CTNND1: variants seen among roughly 807,000 people sequenced by gnomAD.
The protein encoded by CTNND1 is catenin delta-1.
CTNND1 carries 16 observed loss-of-function variants against 112.1 expected under a neutral mutation model. The ratio of observed to expected loss-of-function variants is 0.14; its 90% CI spans 0.10 to 0.22. The LOEUF (loss-of-function observed/expected upper bound fraction) is 0.22, where lower values mean the gene tolerates loss of function less well. Ranked by LOEUF, CTNND1 falls within the 10% of genes least tolerant of loss-of-function variation. CTNND1 has a pLI of 1.00. For synonymous variants in CTNND1, 420 were observed against 446.5 expected, an observed-to-expected ratio of 0.94 and a Z score of 0.75; for missense variants, 1,008 against 1,257.0, an observed-to-expected ratio of 0.80 and a Z score of 3.00.
chr11:57,807,627 A>AAAG (rs2062858390), intron 12 of CTNND1, among the ~76,000 whole-genome samples: 1 of 141,338 alleles, frequency 7.1e-6, no homozygotes, highest in Non-Finnish European at 1.6e-5. Context: ...AAAAAAAAAA[A>AAAG]AAAAGAAAAG....
Position 57,761,814 on chromosome 11 carries a change from CA to C in CTNND1, c.-518del. 6.1e-6 allele frequency: 6 copies of C among 985,202 alleles called. No individual in the cohort carries two copies. The highest frequency in any genetic ancestry group is 7.2e-6 in the Non-Finnish European group (6 of 829,912). The allele number at this position is 985,202 out of a possible 1,614,324, so 61.0% of individuals were successfully genotyped here. A position where few individuals can be genotyped will look rare whatever the true frequency, so the allele number is the denominator to read the frequency against. ...GGGTAGGGCTGCCAGATCAGTTTGT[CA>C]CCACCCAGGCTCCCTTGCCTTTGGC... On this transcript the variant is annotated 5_prime_UTR_variant, in exon 1 of 21. Coordinates refer to ENST00000399050, the MANE Select transcript of CTNND1 (RefSeq NM_001085458.2).
Position 57,815,477 on chromosome 11 carries a change from T to C in CTNND1, c.2785T>C (p.Leu929=). The change falls in exon 19 of 21, where the codon TTG becomes CTG. Residue 929 remains leucine, a synonymous_variant. Coordinates refer to ENST00000399050, the MANE Select transcript of CTNND1 (RefSeq NM_001085458.2). Reference sequence around the variant, plus strand: ...GGGGGATCTAGGCGACATGGAGCCATTGAAGGGAACAACACCCTTGATGGT... The same window carrying C: ...GGGGGATCTAGGCGACATGGAGCCACTGAAGGGAACAACACCCTTGATGGT... ...RSGDLGDMEP[L]KGTTPLMQDE... is the part of the protein sequence containing the mutation. The C allele has an allele frequency of 6.2e-7, 1 of 1,612,284 alleles. No homozygotes were observed. The highest frequency in any genetic ancestry group is 8.5e-7 in the Non-Finnish European group (1 of 1,179,008).
At chr11:57,802,388 TA>T (rs561557324) in intron 7 of CTNND1, among the ~76,000 whole-genome samples, 192 bp downstream of exon 7, 248 of 152,388 alleles carry the variant, frequency 1.6e-3, no homozygotes, top group Non-Finnish European at 3.2e-3. Flanking sequence ...TGCTGATGTT[TA>T]AAATTCAGAA....
At chr11:57,810,063 C>T (rs1285314375) in intron 15 of CTNND1, 46 bp from the exon 16 acceptor site, 2 of 1,475,876 alleles carry the variant, frequency 1.4e-6, no homozygotes, top group Admixed American at 2.0e-5. Flanking sequence ...AAGCTTTTTT[C>T]CTGATTTTAT....
intron 1 of CTNND1, 115 bp downstream of exon 1, chr11:57,762,234 T>C (rs935522708): frequency 5.1e-6 from 2 of 391,942 alleles, no homozygotes; most frequent in Admixed American, 1.3e-4. Flanking sequence ...TGGTATTTTA[T>C]TATATTTAAA....
intron 6 of CTNND1, among the ~76,000 whole-genome samples, chr11:57,799,484 G>T (rs1301685196): frequency 6.6e-6 from 1 of 152,184 alleles, no homozygotes; most frequent in African/African-American, 2.4e-5. Context: ...GCTGCTTCCT[G>T]TTCCAGGCTA....
At position 57,801,801 on chromosome 11, in the gene CTNND1, A is replaced by G. The variant is rs938719457; in HGVS notation, c.1025A>G (p.His342Arg). 6.2e-7 allele frequency: 1 copy of G among 1,614,026 alleles called. No individual in the cohort carries two copies. Among genetic ancestry groups the G allele is most frequent in the Non-Finnish European group, 8.5e-7 (1 of 1,179,884 alleles). ...DQYYWAPLAQHERGSLASLDS... is the reference protein window; with the variant it reads ...DQYYWAPLAQRERGSLASLDS... ...TACTACTGGGCTCCTTTGGCCCAGC[A>G]TGAGCGAGGAAGTTTAGCAAGCTTG... Residue 342 changes from histidine (H) to arginine (R), a missense_variant, in exon 7 of 21, where the codon CAT becomes CGT. Physicochemically the swap from His to Arg is conservative, Grantham distance 29. This residue lies in a region of CTNND1 where 216 missense variants were observed against 342.8 expected (regional missense o/e 0.63). Transcript: ENST00000399050.
chr11:57,810,147 T>C lies in CTNND1; in HGVS notation c.2474T>C (p.Val825Ala), dbSNP rs556628331. ...SEKEVRAAAL[V>A]LQTIWGYKEL... ...AAAGAAGTTCGAGCAGCAGCACTTG[T>C]ATTACAGACAATCTGGGGATATAAG... Residue 825 changes from valine (V) to alanine (A), a missense_variant, in exon 16 of 21, where the codon GTA (valine) becomes GCA (alanine). Transcript: ENST00000399050. The C allele has an allele frequency of 2.7e-5, 43 of 1,612,892 alleles. No individual in the cohort carries two copies. Among genetic ancestry groups the C allele is most frequent in the Admixed American group, 1.7e-4 (10 of 59,836 alleles).
intron 3 of CTNND1, among the ~76,000 whole-genome samples, chr11:57,792,776 GC>G (rs980555423): frequency 4.6e-5 from 7 of 151,580 alleles, no homozygotes; most frequent in Non-Finnish European, 1.0e-4. Context: ...TGATCCACCT[GC>G]CTCGGCCTCC....
Position 57,815,395 on chromosome 11 carries a change from T to G in CTNND1, c.2703T>G (p.Asp901Glu), listed in dbSNP as rs1201831387. The G allele has an allele frequency of 1.3e-6, 2 of 1,567,490 alleles. No homozygotes were observed. Among genetic ancestry groups the G allele is most frequent in the South Asian group, 2.4e-5 (2 of 84,570 alleles). The change falls in exon 19 of 21, where the codon GAT becomes GAG. Residue 901 changes from aspartate to glutamate, a missense_variant and splice_region_variant. Physicochemically the swap from Asp to Glu is conservative, Grantham distance 45 (BLOSUM62 2). Around this residue, in one of 5 missense-constraint regions of CTNND1, gnomAD observed 106 missense variants for 116.2 expected, o/e 0.91. Transcript: ENST00000399050. ...SNMGSNTKSL[D>E]NNYSTPNERG... is the part of the protein sequence containing the mutation. ...GTGTACTTTTTTTTTTTTAACCAGA[T>G]AACAACTATTCCACACCAAATGAGA...
chr11:57,798,225 T>C (rs760212700), intron 6 of CTNND1, among the ~76,000 whole-genome samples: 1 of 151,318 alleles, frequency 6.6e-6, no homozygotes, highest in Non-Finnish European at 1.5e-5. Flanking sequence ...CTCGTGCCTG[T>C]AGTCTCAGCT....
chr11:57,790,872 T>C (rs2060662493), intron 2 of CTNND1, among the ~76,000 whole-genome samples: 1 of 152,182 alleles, frequency 6.6e-6, no homozygotes, highest in Non-Finnish European at 1.5e-5. Flanking sequence ...CATTTCTTAA[T>C]TGGCATTTAG....
At chr11:57,814,608 T>C (rs749900851) in intron 18 of CTNND1, among the ~76,000 whole-genome samples, 1 of 152,194 alleles carries the variant, frequency 6.6e-6, no homozygotes, top group Non-Finnish European at 1.5e-5. Context: ...GCCTCTCCTA[T>C]TACTACACAT....
At chr11:57,810,290 T>C (rs2063177173) in intron 16 of CTNND1, 67 bp downstream of exon 16, 2 of 1,162,838 alleles carry the variant, frequency 1.7e-6, no homozygotes, top group Non-Finnish European at 1.2e-6. Context: ...TGCTTCTGTT[T>C]TCTTTCGTTT....
intron 5 of CTNND1, among the ~76,000 whole-genome samples, chr11:57,796,137 A>T (rs1223667736): frequency 6.6e-6 from 1 of 152,186 alleles, no homozygotes; most frequent in African/African-American, 2.4e-5. Flanking sequence ...TTGTAATCCC[A>T]GCCCTGTGGG....
intron 1 of CTNND1, among the ~76,000 whole-genome samples, chr11:57,763,489 T>C (rs1424290874): frequency 6.6e-6 from 1 of 152,208 alleles, no homozygotes; most frequent in African/African-American, 2.4e-5. Flanking sequence ...GACGATTTCA[T>C]CCTTGTGAAG....
At chr11:57,783,024 G>A (rs779317579) in intron 1 of CTNND1, among the ~76,000 whole-genome samples, 10 of 152,332 alleles carry the variant, frequency 6.6e-5, no homozygotes, top group Admixed American at 2.6e-4. Context: ...GGTGGCTCAC[G>A]CCTGTAATCC....
At chr11:57,792,679 T>C (rs2060894523) in intron 3 of CTNND1, among the ~76,000 whole-genome samples, 1 of 152,084 alleles carries the variant, frequency 6.6e-6, no homozygotes, top group Non-Finnish European at 1.5e-5. Context: ...TACAGGCGTG[T>C]GCCACCACAC....
chr11:57,799,276 G>A (rs187241006), intron 6 of CTNND1, among the ~76,000 whole-genome samples: 84 of 152,314 alleles, frequency 5.5e-4, no homozygotes, highest in Admixed American at 2.7e-3. Context: ...TCTGTCCAGG[G>A]TGTTGGCTCT....
Sources: gnomAD v4.1 joint callset for allele counts (sites outside exome capture counted in the v4.1 genomes callset) on GRCh38, gnomAD v4.1.1 for gene constraint, gnomAD v4.1.1 regional missense constraint, MANE v1.5 for transcripts, NCBI Gene and HGNC (gene_info 2026-07-23, HGNC 2026-07-21) for gene names.